The following KDM4C variants were observed in gnomAD, a reference collection of about 807,000 sequenced individuals.
KDM4C encodes lysine-specific demethylase 4C.
In KDM4C, 81 loss-of-function variants were observed where a neutral mutation model predicts 129.3. The ratio of observed to expected loss-of-function variants is 0.63; its 90% CI spans 0.52 to 0.75. The LOEUF (loss-of-function observed/expected upper bound fraction) is 0.75, where lower values mean the gene tolerates loss of function less well. Ranked by LOEUF, KDM4C falls within the 30% of genes least tolerant of loss-of-function variation. The pLI, the probability that KDM4C is intolerant of heterozygous loss-of-function variation, is 0.00. For synonymous variants in KDM4C, 573 were observed against 456.1 expected, an observed-to-expected ratio of 1.26 and a Z score of -3.26; for missense variants, 1,457 against 1,304.0, an observed-to-expected ratio of 1.12 and a Z score of -1.81.
intron 12 of KDM4C, among the ~76,000 whole-genome samples, chr9:6,997,542 A>G (rs138959643): frequency 6.6e-6 from 1 of 152,292 alleles, no homozygotes; most frequent in Non-Finnish European, 1.5e-5. Flanking sequence ...TTAAAATGCA[A>G]CTTAGGCTGG....
rs185199693 is a variant in KDM4C, at chr9:7,031,605, A to G, written c.2260-15257A>G. Among the ~76,000 whole-genome samples the G allele has an allele frequency of 1.6e-4, 24 of 152,282 alleles. 1 individual carries two copies. Among genetic ancestry groups the G allele is most frequent in the Admixed American group, 7.8e-4 (12 of 15,290 alleles). ...AAAAAAACTATTTTGGTGGCTGTTT[A>G]TGTGTACATATATACACACACAGAT... On this transcript the variant is annotated intron_variant, in intron 15 of 21. Coordinates refer to ENST00000381309, the MANE Select transcript of KDM4C (RefSeq NM_015061.6).
intron 4 of KDM4C, among the ~76,000 whole-genome samples, chr9:6,827,034 G>GT: frequency 6.6e-6 from 1 of 152,312 alleles, no homozygotes; most frequent in South Asian, 2.1e-4. Context: ...GCAGGGCACA[G>GT]TCCACAGTGG....
chr9:6,839,451 G>T (rs980083719), intron 4 of KDM4C, among the ~76,000 whole-genome samples: 6 of 148,512 alleles, frequency 4.0e-5, no homozygotes, highest in African/African-American at 1.5e-4. Flanking sequence ...TGTTACCCAG[G>T]CTGGTTTTAA....
intron 17 of KDM4C, among the ~76,000 whole-genome samples, chr9:7,052,910 T>TGCTTTA (rs1830405047): frequency 7.9e-6 from 1 of 126,716 alleles, no homozygotes; most frequent in African/African-American, 2.8e-5. Flanking sequence ...AGCGAGCGAG[T>TGCTTTA]GCCCAAGGGA....
intron 12 of KDM4C, among the ~76,000 whole-genome samples, chr9:6,998,295 T>C (rs1820131640): frequency 6.6e-6 from 1 of 152,250 alleles, no homozygotes. Flanking sequence ...AGTGTTTAAA[T>C]ATACAGACAG....
At chr9:6,728,857 C>G (rs537891412) in intron 1 of KDM4C, among the ~76,000 whole-genome samples, 1 of 150,926 alleles carries the variant, frequency 6.6e-6, no homozygotes, top group Admixed American at 6.6e-5. Flanking sequence ...AAAAACAAAA[C>G]AAAACAAACA....
rs753413420 is a variant in KDM4C at position 6,981,088 on chromosome 9, G to A, written c.1085G>A (p.Arg362Lys). 1.2e-6 allele frequency: 2 copies of A among 1,612,664 alleles called. No individual in the cohort carries two copies. Among genetic ancestry groups the A allele is most frequent in the Non-Finnish European group, 1.7e-6 (2 of 1,179,394 alleles). The stretch of plus-strand genomic sequence containing the variant: ...CCTGAAGTAAAAGCATGGCTGCAGA[G>A]GAGGAGGAAAGTAAGAAAAGCATCC... ...STPEVKAWLQ[R>K]RRKVRKASRS... The change falls in exon 9 of 22, where the codon AGG becomes AAG. Residue 362 changes from arginine (R) to lysine (K), a missense_variant. Coordinates refer to ENST00000381309, the MANE Select transcript of KDM4C (RefSeq NM_015061.6).
chr9:7,080,051 C>T (rs1434342926), intron 17 of KDM4C, among the ~76,000 whole-genome samples: 1 of 151,866 alleles, frequency 6.6e-6, no homozygotes, highest in African/African-American at 2.4e-5. Flanking sequence ...AAAAAAATGG[C>T]ACTTCATCTA....
At chr9:7,011,939 C>T in intron 13 of KDM4C, 60 bp downstream of exon 13, 5 of 1,368,996 alleles carry the variant, frequency 3.7e-6, no homozygotes, top group Non-Finnish European at 5.1e-6. Flanking sequence ...GACCACATAC[C>T]ACAAGATCAC....
intron 8 of KDM4C, among the ~76,000 whole-genome samples, chr9:6,971,525 G>T (rs1449726144): frequency 4.6e-5 from 7 of 152,066 alleles, no homozygotes; most frequent in Non-Finnish European, 1.0e-4. Context: ...GGTAGTCAAG[G>T]AATTCTTTTG....
chr9:6,733,373 C>T (rs1563916169), intron 1 of KDM4C, among the ~76,000 whole-genome samples: 3 of 152,190 alleles, frequency 2.0e-5, no homozygotes. Context: ...GTTTCTGTTA[C>T]AGAGACTGTT....
chr9:7,095,517 CTTT>C (rs59318739), intron 17 of KDM4C, among the ~76,000 whole-genome samples: 1 of 146,050 alleles, frequency 6.8e-6, no homozygotes, highest in Admixed American at 6.8e-5. Flanking sequence ...AAACAAAGAT[CTTT>C]TTTTTTTTTT....
At chr9:6,906,999 C>A (rs555660155) in intron 8 of KDM4C, among the ~76,000 whole-genome samples, 5 of 152,108 alleles carry the variant, frequency 3.3e-5, no homozygotes, top group Non-Finnish European at 7.4e-5. Flanking sequence ...ATTCTCGTAA[C>A]CAGTTTTAAA....
intron 17 of KDM4C, among the ~76,000 whole-genome samples, chr9:7,058,112 C>G (rs991350643): frequency 1.3e-5 from 2 of 152,130 alleles, no homozygotes; most frequent in Non-Finnish European, 2.9e-5. Flanking sequence ...TCGACAATCT[C>G]TCAGAAGGCA....
chr9:6,957,650 T>G (rs1238556070), intron 8 of KDM4C, among the ~76,000 whole-genome samples: 2 of 152,174 alleles, frequency 1.3e-5, no homozygotes, highest in African/African-American at 4.8e-5. Flanking sequence ...TTCTATTGGT[T>G]GCACAATTGT....
At chr9:6,798,401 T>C (rs929510498) in intron 2 of KDM4C, among the ~76,000 whole-genome samples, 8 of 152,070 alleles carry the variant, frequency 5.3e-5, no homozygotes, top group Non-Finnish European at 2.9e-5. Flanking sequence ...GCAGAGTGTT[T>C]GTGTCCCTGG....
At chr9:6,835,205 A>G (rs1437542290) in intron 4 of KDM4C, 1 of 924,330 alleles carries the variant, frequency 1.1e-6, no homozygotes, top group Non-Finnish European at 1.8e-6. Context: ...ACCATCGGCA[A>G]CGAGCAGTTC....
At chr9:6,893,296 C>T (rs769331369) in intron 8 of KDM4C, 64 bp downstream of exon 8, 2 of 1,344,012 alleles carry the variant, frequency 1.5e-6, no homozygotes, top group Admixed American at 4.1e-5. Flanking sequence ...TAGTAGGAAC[C>T]CTACGATCCT....
chr9:6,882,776 G>T (rs965762998), intron 6 of KDM4C, among the ~76,000 whole-genome samples: 101 of 118,396 alleles, frequency 8.5e-4, no homozygotes, highest in African/African-American at 4.4e-3. Flanking sequence ...AAGCATTTGT[G>T]TGTGTGTGTG....
Sources: allele counts gnomAD v4.1 joint callset (sites outside exome capture counted in the v4.1 genomes callset), GRCh38; gene constraint gnomAD v4.1.1; transcripts MANE v1.5; gene names NCBI Gene and HGNC (gene_info 2026-07-23, HGNC 2026-07-21).